The following TENM2 variants were observed in gnomAD, a reference collection of about 807,000 sequenced individuals.
The protein encoded by TENM2 is teneurin transmembrane protein 2, also known as teneurin-2.
In TENM2, 52 loss-of-function variants were observed where a neutral mutation model predicts 245.2. That is an observed-to-expected ratio of 0.21 (90% CI 0.17 to 0.27). The LOEUF is 0.27. TENM2 is among the 10% of genes least tolerant of loss of function. TENM2 has a pLI of 1.00. For synonymous variants in TENM2, 1,363 were observed against 1,438.9 expected, an observed-to-expected ratio of 0.95 and a Z score of 1.19; for missense variants, 3,046 against 3,666.8, an observed-to-expected ratio of 0.83 and a Z score of 4.37.
At chr5:168,201,312 A>G (rs1761920514) in intron 17 of TENM2, among the ~76,000 whole-genome samples, 1 of 151,982 alleles carries the variant, frequency 6.6e-6, no homozygotes, top group Non-Finnish European at 1.5e-5. Flanking sequence ...ACACACATAC[A>G]TATATACAGA....
chr5:167,507,079 T>C (rs914434534), intron 2 of TENM2, among the ~76,000 whole-genome samples: 1 of 152,238 alleles, frequency 6.6e-6, no homozygotes, highest in Non-Finnish European at 1.5e-5. Context: ...ATTGGATTTC[T>C]GTATGTTTTT....
chr5:167,226,437 A>C, the TENM2 span, among the ~76,000 whole-genome samples: 1 of 151,932 alleles, frequency 6.6e-6, no homozygotes, highest in Non-Finnish European at 1.5e-5. Flanking sequence ...TTTAGTATCC[A>C]TGTGCTTGTA....
chr5:167,787,437 G>T (rs1764658565), intron 2 of TENM2, among the ~76,000 whole-genome samples: 1 of 152,154 alleles, frequency 6.6e-6, no homozygotes, highest in East Asian at 1.9e-4. Flanking sequence ...CATGACCGGG[G>T]CTTCCTTCTA....
rs200553403 is a variant in TENM2 at position 167,702,538 on chromosome 5, G to GTA, written c.503-173446_503-173445dup. On this transcript the variant is annotated intron_variant, in intron 2 of 28. Transcript: ENST00000518659. ...AGGGCTAATTTATATATGTATGTAT[G>GTA]TATGTGTGTGTGTGTATATATATAT... is the stretch of plus-strand genomic sequence containing the variant. Among the ~76,000 whole-genome samples, 177 of 126,632 alleles carry GTA rather than the reference G, an allele frequency of 1.4e-3. 2 individuals carry two copies. In the East Asian group the frequency reaches 0.034, roughly 24 times the overall value. 83.1% of individuals were successfully genotyped at this position (126,632 alleles called of 152,430 possible). A position where few individuals can be genotyped will look rare whatever the true frequency, so the allele number is the denominator to read the frequency against.
rs182498714 is a variant in TENM2 at position 168,102,031 on chromosome 5, T to C, written c.1813+3904T>C. Among the ~76,000 whole-genome samples, 9 of 147,346 alleles carry C rather than the reference T, an allele frequency of 6.1e-5. 1 individual carries two copies. Among genetic ancestry groups the C allele is most frequent in the African/African-American group, 2.3e-4 (9 of 39,740 alleles). On this transcript the variant is annotated intron_variant, in intron 9 of 28. Transcript: ENST00000518659. ...CATGTTTCTTCAAGTCAATTCATTA[T>C]AGTTCCATAGTTTTTTTGTTTTTGT...
intron 12 of TENM2, among the ~76,000 whole-genome samples, chr5:168,162,233 A>T (rs1307953734): frequency 6.6e-6 from 1 of 152,102 alleles, no homozygotes; most frequent in Non-Finnish European, 1.5e-5. Context: ...AGCACTTCTT[A>T]AAAAAAGAGA....
the TENM2 span, among the ~76,000 whole-genome samples, chr5:167,140,603 C>A: frequency 6.6e-6 from 1 of 152,124 alleles, no homozygotes; most frequent in Non-Finnish European, 1.5e-5. Context: ...TAATGCTGAA[C>A]TGTATTTAGC....
At chr5:167,630,119 T>C (rs972634822) in intron 2 of TENM2, among the ~76,000 whole-genome samples, 4 of 151,356 alleles carry the variant, frequency 2.6e-5, no homozygotes, top group Non-Finnish European at 4.4e-5. Flanking sequence ...CCTTACGTCT[T>C]AGCAGCCTCA....
chr5:167,602,433 A>AT (rs1192767881), intron 2 of TENM2, among the ~76,000 whole-genome samples: 1 of 152,022 alleles, frequency 6.6e-6, no homozygotes, highest in East Asian at 1.9e-4. Context: ...CATCATCTGT[A>AT]TTTTTTTATT....
At chr5:168,119,991 C>A (rs1795357553) in intron 10 of TENM2, among the ~76,000 whole-genome samples, 1 of 152,158 alleles carries the variant, frequency 6.6e-6, no homozygotes. Flanking sequence ...CAATGGATCT[C>A]CAGAGTTCTA....
intron 2 of TENM2, among the ~76,000 whole-genome samples, chr5:167,845,200 A>G (rs1269095923): frequency 6.8e-6 from 1 of 147,938 alleles, no homozygotes; most frequent in East Asian, 2.1e-4. Flanking sequence ...AGCCCTCACC[A>G]TCATTATTAC....
chr5:167,912,255 T>C (rs577594400), intron 3 of TENM2, among the ~76,000 whole-genome samples: 5 of 151,942 alleles, frequency 3.3e-5, no homozygotes, highest in African/African-American at 1.2e-4. Context: ...GTATTCGTCT[T>C]TCTGTGCCTG....
chr5:168,065,501 G>A (rs1348296078), intron 7 of TENM2, among the ~76,000 whole-genome samples: 1 of 152,116 alleles, frequency 6.6e-6, no homozygotes, highest in Non-Finnish European at 1.5e-5. Context: ...GGTAAGATGG[G>A]AAAACCCTTT....
chr5:167,759,164 T>G (rs1561747728), intron 2 of TENM2, among the ~76,000 whole-genome samples: 1 of 148,476 alleles, frequency 6.7e-6, no homozygotes, highest in African/African-American at 2.6e-5. Flanking sequence ...ACTAGATTAC[T>G]TGGGTTCAAA....
At chr5:167,475,751 T>G (rs1767330771) in intron 2 of TENM2, among the ~76,000 whole-genome samples, 2 of 152,142 alleles carry the variant, frequency 1.3e-5, no homozygotes, top group Admixed American at 1.3e-4. Flanking sequence ...ATGCAGTGTT[T>G]GGTTTTCTGT....
intron 2 of TENM2, among the ~76,000 whole-genome samples, chr5:167,862,563 C>T (rs1771917905): frequency 6.6e-6 from 1 of 152,204 alleles, no homozygotes; most frequent in African/African-American, 2.4e-5. Context: ...TGTTTTCTCC[C>T]TTCATGCTTC....
intron 2 of TENM2, among the ~76,000 whole-genome samples, chr5:167,623,351 T>A (rs34602038): frequency 6.6e-6 from 1 of 152,190 alleles, no homozygotes; most frequent in African/African-American, 2.4e-5. Context: ...CAATTTGTTG[T>A]GTTTCTCTTT....
chr5:167,311,359 T>C (rs1756022550), intron 1 of TENM2, among the ~76,000 whole-genome samples: 1 of 152,198 alleles, frequency 6.6e-6, no homozygotes, highest in Non-Finnish European at 1.5e-5. Context: ...TTTTTATCAT[T>C]TTGGCATATT....
intron 2 of TENM2, among the ~76,000 whole-genome samples, chr5:167,800,097 A>G (rs1489247186): frequency 1.3e-5 from 2 of 152,250 alleles, no homozygotes; most frequent in Non-Finnish European, 2.9e-5. Flanking sequence ...ATATGAGGAT[A>G]ACAAATCTGG....
Sources: allele counts gnomAD v4.1 joint callset (sites outside exome capture counted in the v4.1 genomes callset), GRCh38; gene constraint gnomAD v4.1.1; transcripts MANE v1.5; gene names NCBI Gene and HGNC (gene_info 2026-07-23, HGNC 2026-07-21).